CSPP1: variants seen among roughly 807,000 people sequenced by gnomAD.
CSPP1 encodes the protein centrosome and spindle pole-associated protein 1.
In CSPP1, 126 loss-of-function variants were observed where a neutral mutation model predicts 164.4. The observed-to-expected ratio is 0.77, with a 90% CI of 0.66 to 0.89. The LOEUF is 0.89. Among genes scored for constraint, CSPP1 ranks in the 40% least tolerant of loss-of-function variants. The pLI, the probability that CSPP1 is intolerant of heterozygous loss-of-function variation, is 0.00. For synonymous variants in CSPP1, 472 were observed against 476.7 expected (o/e 0.99, Z 0.13); for missense variants, 1,395 against 1,449.8 (o/e 0.96, Z 0.61).
chr8:67,106,983 T>G (rs752280784), intron 9 of CSPP1, among the ~76,000 whole-genome samples: 4 of 152,050 alleles, frequency 2.6e-5, no homozygotes, highest in Non-Finnish European at 5.9e-5. Context: ...ATGTAAAGGC[T>G]ATATTCTTTT....
chr8:67,184,098 C>T (rs1034459570), intron 28 of CSPP1, among the ~76,000 whole-genome samples: 2 of 152,032 alleles, frequency 1.3e-5, no homozygotes, highest in Non-Finnish European at 1.5e-5. Flanking sequence ...GGTGATCCCC[C>T]GGCCTTGGCC....
At chr8:67,081,808 C>T (rs1809247437) in intron 3 of CSPP1, among the ~76,000 whole-genome samples, 1 of 152,032 alleles carries the variant, frequency 6.6e-6, no homozygotes, top group Non-Finnish European at 1.5e-5. Flanking sequence ...GCAGTGGCAC[C>T]ATAATAGCTT....
Position 67,137,573 on chromosome 8 carries a change from CCT to C in CSPP1, c.1949_1950del (p.Leu650GlnfsTer10). ...NPWGKGGGGA[P>X]LRDAKGNLIT... ...CTGGGGAAAAGGTGGAGGTGGTGCT[CCT>C]CTCAGGGATGCAAAAGGAAATCTGA... On this transcript the variant is annotated frameshift_variant, in exon 17 of 31. Coordinates refer to ENST00000678616, the MANE Select transcript of CSPP1 (RefSeq NM_001382391.1). LOFTEE classifies it high-confidence loss of function. 1 of 1,581,168 alleles carries C rather than the reference CCT, an allele frequency of 6.3e-7. No individual in the cohort carries two copies. The highest frequency in any genetic ancestry group is 8.6e-7 in the Non-Finnish European group (1 of 1,166,336).
Position 67,147,349 on chromosome 8 carries a change from A to G in CSPP1, c.1976-2434A>G, listed in dbSNP as rs532596008. ...TGCAGTCACCTTTTTCTGTGGTTTC[A>G]CCCAGTCCCTTCTCTTTGCATTTTT... On this transcript the variant is annotated intron_variant, in intron 17 of 30. Coordinates refer to ENST00000678616, the MANE Select transcript of CSPP1 (RefSeq NM_001382391.1). Among the ~76,000 whole-genome samples, 3 of 152,164 alleles carry G rather than the reference A, an allele frequency of 2.0e-5. No homozygotes were observed. The South Asian group carries it at 6.2e-4, about 32-fold the overall frequency.
Position 67,095,475 on chromosome 8 carries a change from T to C in CSPP1, c.666T>C (p.Asp222=), listed in dbSNP as rs374780184. The stretch of plus-strand genomic sequence containing the variant: ...AGGACAGATACCGACAACTAGATGA[T>C]GAAATCGAATTAAGGAATAGAAGAA... The part of the protein sequence containing the change: ...LEEDRYRQLD[D]EIELRNRRII... The change falls in exon 7 of 31, where the codon GAT becomes GAC. Residue 222 remains aspartate (D), a synonymous_variant. Transcript: ENST00000678616. 14 of 1,612,730 alleles carry C rather than the reference T, an allele frequency of 8.7e-6. No individual in the cohort carries two copies. Among genetic ancestry groups the C allele is most frequent in the East Asian group, 2.2e-5 (1 of 44,844 alleles).
At chr8:67,067,687 T>A (rs1805866290) in intron 1 of CSPP1, among the ~76,000 whole-genome samples, 1 of 151,780 alleles carries the variant, frequency 6.6e-6, no homozygotes, top group African/African-American at 2.4e-5. Context: ...ATGGTCTTGA[T>A]CTCCTGACCT....
chr8:67,170,140 AG>A (rs1295943637), intron 24 of CSPP1, among the ~76,000 whole-genome samples: 1 of 151,938 alleles, frequency 6.6e-6, no homozygotes, highest in Non-Finnish European at 1.5e-5. Flanking sequence ...GGTACTTAAC[AG>A]TATAGCATTT....
rs1236506900 is a variant in CSPP1 at position 67,175,379 on chromosome 8, C to A, written c.3052C>A (p.Leu1018Met). 1 of 1,614,080 alleles carries A rather than the reference C, an allele frequency of 6.2e-7. No homozygotes were observed. Among genetic ancestry groups the A allele is most frequent in the African/African-American group, 1.3e-5 (1 of 74,936 alleles). Residue 1018 changes from leucine (L) to methionine (M), a missense_variant, in exon 26 of 31, where the codon CTG (leucine) becomes ATG (methionine). Leu to Met is a conservative substitution (Grantham distance 15). Transcript: ENST00000678616. ...CACCTTAGAGATTCAGCAGCAAGCC[C>A]TGCTAAGAGAGCAGCAGAAGAGGCT... ...HHTLEIQQQA[L>M]LREQQKRLNR...
intron 17 of CSPP1, among the ~76,000 whole-genome samples, chr8:67,138,560 A>G (rs1181083895): frequency 1.3e-5 from 2 of 152,142 alleles, no homozygotes; most frequent in African/African-American, 2.4e-5. Flanking sequence ...GGGCTGTTGT[A>G]TATATTAGGA....
At position 67,135,873 on chromosome 8, in the gene CSPP1, G is replaced by C. The variant is rs141663033; in HGVS notation, c.1828-1583G>C. The C allele has an allele frequency of 1.5e-3, 234 of 152,310 alleles. 1 individual carries two copies. The highest frequency in any genetic ancestry group is 5.3e-3 in the African/African-American group (220 of 41,564). The allele number at this position is 152,310 out of a possible 1,614,324, so 9.4% of individuals were successfully genotyped here. ...TTCTAGCTTTTGATTTAAAGTGAGA[G>C]ATGTGACTCTTTCATTCACTCAAAC... On this transcript the variant is annotated intron_variant, in intron 16 of 30. Coordinates refer to ENST00000678616, the MANE Select transcript of CSPP1 (RefSeq NM_001382391.1).
At chr8:67,097,756 A>G (rs867742976) in intron 7 of CSPP1, among the ~76,000 whole-genome samples, 2 of 151,946 alleles carry the variant, frequency 1.3e-5, no homozygotes, top group Non-Finnish European at 2.9e-5. Flanking sequence ...GAACTAACAA[A>G]TGAATATCAT....
At chr8:67,173,350 C>G (rs1830851288) in intron 25 of CSPP1, among the ~76,000 whole-genome samples, 1 of 152,088 alleles carries the variant, frequency 6.6e-6, no homozygotes, top group Non-Finnish European at 1.5e-5. Context: ...TTCCAGGGTA[C>G]ATGAGGCCTG....
chr8:67,174,388 T>C (rs1328140719), intron 25 of CSPP1: 2 of 152,100 alleles, frequency 1.3e-5, no homozygotes, highest in African/African-American at 4.8e-5. Context: ...ATTCCAGCAG[T>C]GTAATTAGTG....
At position 67,113,858 on chromosome 8, in the gene CSPP1, A is replaced by T. The variant is rs1231591915; in HGVS notation, c.1241A>T (p.Lys414Ile). 7.0e-6 allele frequency: 11 copies of T among 1,574,936 alleles called. No individual in the cohort carries two copies. The highest frequency in any genetic ancestry group is 8.7e-6 in the Non-Finnish European group (10 of 1,150,752). Residue 414 changes from lysine to isoleucine, a missense_variant, in exon 11 of 31, where the codon AAA becomes ATA. Coordinates refer to ENST00000678616, the MANE Select transcript of CSPP1 (RefSeq NM_001382391.1). ...VAASGAQDPE[K>I]SWNELLTSLQ... ...GCGTCTGGAGCACAAGACCCTGAGA[A>T]ATCGGTAAGGGTTTCTGGCATCTTT... is the stretch of plus-strand genomic sequence containing the variant.
chr8:67,108,187 G>C lies in CSPP1; in HGVS notation c.1093+2212G>C, dbSNP rs1461344550. On this transcript the variant is annotated intron_variant, in intron 9 of 30. Coordinates refer to ENST00000678616, the MANE Select transcript of CSPP1 (RefSeq NM_001382391.1). ...AGGAGGATCACTTGATTGAGCCCAA[G>C]AGTTTGAGAGCAACCTGGGCAACAT... Among the ~76,000 whole-genome samples, 3 of 151,592 alleles carry C rather than the reference G, an allele frequency of 2.0e-5. No homozygotes were observed. The East Asian group carries it at 5.8e-4, about 29-fold the overall frequency.
At chr8:67,177,798 G>A in intron 27 of CSPP1, 72 bp downstream of exon 27, 1 of 1,042,380 alleles carries the variant, frequency 9.6e-7, no homozygotes, top group South Asian at 1.3e-5. Flanking sequence ...TGATGATCAA[G>A]TAATTCAAAT....
At chr8:67,107,546 A>G (rs1291013729) in intron 9 of CSPP1, among the ~76,000 whole-genome samples, 1 of 152,212 alleles carries the variant, frequency 6.6e-6, no homozygotes, top group Non-Finnish European at 1.5e-5. Context: ...TGAAACTGTT[A>G]AAGTCATTTA....
chr8:67,186,042 A>G (rs1274673930), intron 28 of CSPP1, among the ~76,000 whole-genome samples: 1 of 152,174 alleles, frequency 6.6e-6, no homozygotes. Context: ...TATGTGAAGA[A>G]TTGCTTCTGG....
chr8:67,159,042 G>C lies in CSPP1; in HGVS notation c.2443G>C (p.Glu815Gln). The change falls in exon 21 of 31, where the codon GAA (glutamate) becomes CAA (glutamine). Residue 815 changes from glutamate (E) to glutamine (Q), a missense_variant. Glu to Gln is a conservative substitution (Grantham distance 29). Coordinates refer to ENST00000678616, the MANE Select transcript of CSPP1 (RefSeq NM_001382391.1). ...TCGGTTAGCTGAAGAAAGACAAAAA[G>C]AAGCAGAAAGAAAGAAGAAAGAAGA... ...HIRLAEERQK[E>Q]AERKKKEEEE... is the part of the protein sequence containing the mutation. 1 of 1,612,076 alleles carries C rather than the reference G, an allele frequency of 6.2e-7. No individual in the cohort carries two copies. Among genetic ancestry groups the C allele is most frequent in the Non-Finnish European group, 8.5e-7 (1 of 1,178,998 alleles).
Sources: allele counts gnomAD v4.1 joint callset (sites outside exome capture counted in the v4.1 genomes callset), GRCh38; gene constraint gnomAD v4.1.1; transcripts MANE v1.5; gene names NCBI Gene and HGNC (gene_info 2026-07-23, HGNC 2026-07-21).